Variants in GALNT13 observed in about 807,000 individuals in gnomAD.
GALNT13 encodes the protein polypeptide N-acetylgalactosaminyltransferase 13.
Under a neutral mutation model 64.2 loss-of-function variants are expected in GALNT13, and 28 were observed. That is an observed-to-expected ratio of 0.44 (90% CI 0.32 to 0.60). The LOEUF (loss-of-function observed/expected upper bound fraction) is 0.60. Ranked by LOEUF, GALNT13 falls within the 20% of genes least tolerant of loss-of-function variation. GALNT13 has a pLI of 0.05. For synonymous variants in GALNT13, 214 were observed against 224.6 expected, an observed-to-expected ratio of 0.95 and a Z score of 0.42; for missense variants, 577 against 669.8, an observed-to-expected ratio of 0.86 and a Z score of 1.53.
intron 8 of GALNT13, among the ~76,000 whole-genome samples, chr2:154,287,687 GT>G (rs1262070290): frequency 2.0e-5 from 3 of 151,860 alleles, no homozygotes; most frequent in Non-Finnish European, 4.4e-5. Flanking sequence ...TTGCTCATGT[GT>G]TGCACTCCAC....
At chr2:153,550,067 C>T in the GALNT13 span, among the ~76,000 whole-genome samples, 2 of 152,160 alleles carry the variant, frequency 1.3e-5, no homozygotes, top group Non-Finnish European at 2.9e-5. Flanking sequence ...GACTGAAAGA[C>T]ATGGAGGTCA....
chr2:153,741,123 T>C, the GALNT13 span, among the ~76,000 whole-genome samples: 1 of 152,172 alleles, frequency 6.6e-6, no homozygotes, highest in African/African-American at 2.4e-5. Flanking sequence ...TTTCCTAAGA[T>C]TCTTTCTTTG....
At chr2:153,630,795 ATATATATATATATTTTTTTTT>A in the GALNT13 span, among the ~76,000 whole-genome samples, 1 of 13,956 alleles carries the variant, frequency 7.2e-5, no homozygotes, top group African/African-American at 2.5e-4. Context: ...ATATATATAT[ATATATATATATATTTTTTTTT>A]TTTTTTTTAT....
chr2:153,178,249 ATAATAT>A, the GALNT13 span, among the ~76,000 whole-genome samples: 1 of 152,182 alleles, frequency 6.6e-6, no homozygotes, highest in Non-Finnish European at 1.5e-5. Context: ...GGATCATATG[ATAATAT>A]TGTTTTTAGT....
chr2:153,113,562 A>G, the GALNT13 span, among the ~76,000 whole-genome samples: 1 of 152,026 alleles, frequency 6.6e-6, no homozygotes. Flanking sequence ...TGAAAATCAG[A>G]GTACTTATAA....
At chr2:153,486,187 C>T in the GALNT13 span, among the ~76,000 whole-genome samples, 4 of 152,132 alleles carry the variant, frequency 2.6e-5, no homozygotes, top group African/African-American at 7.2e-5. Context: ...CCACCTGCCT[C>T]GGCCTCCCAA....
At chr2:153,204,018 C>T in the GALNT13 span, among the ~76,000 whole-genome samples, 2 of 152,186 alleles carry the variant, frequency 1.3e-5, no homozygotes, top group Non-Finnish European at 2.9e-5. Flanking sequence ...GATCAGTATC[C>T]TGTTGCATGC....
chr2:153,522,115 G>A, the GALNT13 span, among the ~76,000 whole-genome samples: 86,719 of 151,828 alleles, frequency 0.57, 27,855 homozygotes, highest in African/African-American at 0.86. Flanking sequence ...TGGGCAGATC[G>A]CTAGCTCAGG....
the GALNT13 span, among the ~76,000 whole-genome samples, chr2:153,153,940 A>C: frequency 6.6e-6 from 1 of 151,980 alleles, no homozygotes; most frequent in Non-Finnish European, 1.5e-5. Context: ...GAAGAATATC[A>C]ATGTTAGTTT....
chr2:153,676,239 T>C, the GALNT13 span, among the ~76,000 whole-genome samples: 1 of 152,106 alleles, frequency 6.6e-6, no homozygotes, highest in Non-Finnish European at 1.5e-5. Context: ...TGAACGTCTC[T>C]ATGCATACAA....
At chr2:153,954,211 T>C (rs961748033) in intron 3 of GALNT13, among the ~76,000 whole-genome samples, 1 of 152,160 alleles carries the variant, frequency 6.6e-6, no homozygotes, top group Non-Finnish European at 1.5e-5. Flanking sequence ...ATTTTTAAAA[T>C]ATATGGCTTC....
the GALNT13 span, among the ~76,000 whole-genome samples, chr2:153,271,599 G>A: frequency 6.6e-6 from 1 of 152,162 alleles, no homozygotes; most frequent in Non-Finnish European, 1.5e-5. Context: ...ACAAACCACT[G>A]CTCAAGGAAA....
the GALNT13 span, among the ~76,000 whole-genome samples, chr2:153,245,042 G>T: frequency 6.6e-6 from 1 of 152,232 alleles, no homozygotes; most frequent in Non-Finnish European, 1.5e-5. Flanking sequence ...GTGTGGCAAA[G>T]CCGCTGTGAC....
At chr2:153,630,012 G>A in the GALNT13 span, among the ~76,000 whole-genome samples, 5 of 144,158 alleles carry the variant, frequency 3.5e-5, no homozygotes, top group South Asian at 7.0e-4. Flanking sequence ...GTGCTGGAGA[G>A]GATGTGGAGA....
chr2:153,316,443 C>T, the GALNT13 span, among the ~76,000 whole-genome samples: 3 of 150,194 alleles, frequency 2.0e-5, no homozygotes, highest in African/African-American at 7.4e-5. Context: ...GAGATCGAGA[C>T]CATCCTGGCC....
intron 9 of GALNT13, among the ~76,000 whole-genome samples, chr2:154,370,941 C>A (rs1041371397): frequency 6.6e-6 from 1 of 151,848 alleles, no homozygotes; most frequent in Non-Finnish European, 1.5e-5. Flanking sequence ...GAGGCACCAA[C>A]AAAGAGAACC....
At position 154,237,734 on chromosome 2, in the gene GALNT13, A is replaced by T. The variant is rs1371165585; in HGVS notation, c.312-4296A>T. ...GCATGAGTTTTTCAAACATGGTCAC[A>T]GCTGTTCATATAGCCATTGCTTCAT... On this transcript the variant is annotated intron_variant, in intron 4 of 12. Coordinates refer to ENST00000392825, the MANE Select transcript of GALNT13 (RefSeq NM_052917.4). Among the ~76,000 whole-genome samples, 5 of 151,688 alleles carry T rather than the reference A, an allele frequency of 3.3e-5. No individual in the cohort carries two copies. In the East Asian group the frequency reaches 9.6e-4, roughly 29 times the overall value.
the GALNT13 span, among the ~76,000 whole-genome samples, chr2:153,350,875 C>T: frequency 1.3e-5 from 2 of 152,112 alleles, no homozygotes; most frequent in African/African-American, 2.4e-5. Flanking sequence ...TTCCTATTTA[C>T]ATTCTGAAGC....
intron 3 of GALNT13, among the ~76,000 whole-genome samples, chr2:154,132,112 G>A (rs1431009618): frequency 6.6e-6 from 1 of 152,036 alleles, no homozygotes; most frequent in African/African-American, 2.4e-5. Flanking sequence ...CCCAGTCCAC[G>A]GATTCAAAGG....
Sources: allele counts gnomAD v4.1 joint callset (sites outside exome capture counted in the v4.1 genomes callset), GRCh38; gene constraint gnomAD v4.1.1; transcripts MANE v1.5; gene names NCBI Gene and HGNC (gene_info 2026-07-23, HGNC 2026-07-21).